The following STK3 variants were observed in gnomAD, a reference collection of about 807,000 sequenced individuals.
STK3 encodes serine/threonine-protein kinase 3.
In STK3, 41 loss-of-function variants were observed where a neutral mutation model predicts 58.0. The ratio of observed to expected loss-of-function variants is 0.71; its 90% CI spans 0.55 to 0.92. STK3 has a LOEUF of 0.92. Among genes scored for constraint, STK3 ranks in the 40% least tolerant of loss-of-function variants. STK3 has a pLI of 0.00. For missense variants in STK3, 479 were observed against 602.7 expected, an observed-to-expected ratio of 0.79 and a Z score of 2.15; for synonymous variants, 170 against 191.0, an observed-to-expected ratio of 0.89 and a Z score of 0.91.
chr8:98,797,864 A>G (rs146073816), intron 1 of STK3, among the ~76,000 whole-genome samples: 1 of 152,332 alleles, frequency 6.6e-6, no homozygotes, highest in Non-Finnish European at 1.5e-5. Flanking sequence ...TAAGGGAGTT[A>G]AAGATATTAG....
At chr8:98,413,796 G>A (rs1002923431) in intron 3 of STK3, 5 of 625,714 alleles carry the variant, frequency 8.0e-6, no homozygotes, top group Admixed American at 2.1e-5. Context: ...TTCTCCGAGG[G>A]TGGGGGCCTC....
At chr8:98,562,017 A>G (rs1469374014) in intron 8 of STK3, among the ~76,000 whole-genome samples, 1 of 152,212 alleles carries the variant, frequency 6.6e-6, no homozygotes, top group Non-Finnish European at 1.5e-5. Flanking sequence ...AACCCTGACC[A>G]TACAAACTAC....
intron 8 of STK3, among the ~76,000 whole-genome samples, chr8:98,565,096 T>C (rs1024250362): frequency 3.3e-5 from 5 of 152,140 alleles, no homozygotes; most frequent in Non-Finnish European, 5.9e-5. Context: ...TTTGAGCAAA[T>C]ATTTATTATC....
chr8:98,520,053 T>C (rs1430813312), intron 10 of STK3, among the ~76,000 whole-genome samples: 1 of 152,184 alleles, frequency 6.6e-6, no homozygotes, highest in Non-Finnish European at 1.5e-5. Flanking sequence ...CTGTAATTTC[T>C]GCAAAACATT....
intron 6 of STK3, among the ~76,000 whole-genome samples, chr8:98,605,169 C>A (rs1015932554): frequency 6.6e-6 from 1 of 152,204 alleles, no homozygotes; most frequent in Non-Finnish European, 1.5e-5. Context: ...CTCTTCCAGC[C>A]TCTGCCTGTT....
At chr8:98,709,346 G>A (rs983510955) in intron 4 of STK3, among the ~76,000 whole-genome samples, 16 of 151,980 alleles carry the variant, frequency 1.1e-4, no homozygotes, top group Non-Finnish European at 2.1e-4. Flanking sequence ...ATGGCTATCT[G>A]GGAACATACA....
At chr8:98,403,850 C>T (rs1817968000) in intron 3 of STK3, among the ~76,000 whole-genome samples, 1 of 152,228 alleles carries the variant, frequency 6.6e-6, no homozygotes, top group African/African-American at 2.4e-5. Context: ...TATGGTGGGG[C>T]ACCCTCAGCC....
intron 4 of STK3, among the ~76,000 whole-genome samples, chr8:98,725,305 T>C (rs1827721604): frequency 6.6e-6 from 1 of 152,128 alleles, no homozygotes; most frequent in African/African-American, 2.4e-5. Flanking sequence ...CCACAAGAAA[T>C]TAACTGACAC....
intron 4 of STK3, among the ~76,000 whole-genome samples, chr8:98,745,012 C>G (rs907201472): frequency 6.6e-6 from 1 of 152,076 alleles, no homozygotes; most frequent in Non-Finnish European, 1.5e-5. Flanking sequence ...AAGAGTGACA[C>G]CATTTCAAAG....
chr8:98,923,394 G>A (rs1450962637), intron 1 of STK3, among the ~76,000 whole-genome samples: 1 of 152,134 alleles, frequency 6.6e-6, no homozygotes, highest in Non-Finnish European at 1.5e-5. Context: ...TTTTAGAGTA[G>A]GCCTTGATTG....
intron 3 of STK3, among the ~76,000 whole-genome samples, chr8:98,758,283 C>T (rs1587535126): frequency 6.6e-6 from 1 of 152,148 alleles, no homozygotes; most frequent in East Asian, 1.9e-4. Context: ...AGAGAGACTC[C>T]TCCCTAACTC....
rs182743317 is a variant in STK3 at position 98,640,348 on chromosome 8, C to T, written c.685-44179G>A. On this transcript the variant is annotated intron_variant, in intron 6 of 10. Transcript: ENST00000419617. Reference sequence around the variant, plus strand: ...TACAGGCTTGAGCAACTGTGCCTGACCTCCATATTCATTTTATTCAAAAGA... The same window carrying T: ...TACAGGCTTGAGCAACTGTGCCTGATCTCCATATTCATTTTATTCAAAAGA... 3.0e-4 allele frequency among the ~76,000 whole-genome samples: 45 copies of T among 152,188 alleles called. No individual in the cohort carries two copies. In the East Asian group the frequency reaches 8.7e-3, roughly 29 times the overall value.
chr8:98,577,665 C>G (rs188289167), intron 8 of STK3, among the ~76,000 whole-genome samples: 53 of 152,204 alleles, frequency 3.5e-4, no homozygotes, highest in Non-Finnish European at 5.4e-4. Context: ...CCTTGTCAAG[C>G]CTTCAGATGA....
chr8:98,895,232 C>T (rs1476756455), intron 1 of STK3, among the ~76,000 whole-genome samples: 2 of 152,126 alleles, frequency 1.3e-5, no homozygotes, highest in Non-Finnish European at 2.9e-5. Context: ...CCTGGGGACT[C>T]TTGTTAAAAC....
At chr8:98,356,907 G>A in the STK3 span, among the ~76,000 whole-genome samples, 5 of 152,292 alleles carry the variant, frequency 3.3e-5, no homozygotes, top group South Asian at 2.1e-4. Context: ...AACCCTGAGC[G>A]TGGTCGGTCT....
downstream of STK3, among the ~76,000 whole-genome samples, chr8:98,399,368 T>C (rs2131023561): frequency 6.6e-6 from 1 of 152,354 alleles, no homozygotes; most frequent in South Asian, 2.1e-4. Flanking sequence ...GCTGGGGTCT[T>C]GAGGGGGCTG....
chr8:98,612,515 G>A (rs1261693955), intron 6 of STK3, among the ~76,000 whole-genome samples: 2 of 150,270 alleles, frequency 1.3e-5, no homozygotes, highest in African/African-American at 4.9e-5. Context: ...TGGAGAGAAG[G>A]CAGAACAGCT....
rs183040266 is a variant in STK3 at position 98,727,734 on chromosome 8, T to C, written c.352-20423A>G. Among the ~76,000 whole-genome samples the C allele has an allele frequency of 1.2e-4, 18 of 152,320 alleles. No homozygotes were observed. In the East Asian group the frequency reaches 3.3e-3, roughly 28 times the overall value. ...ATAAACATATTTTTTAAAAGGAACATGCACAGTCATTTTTTTAAAGTCTCC... is the reference window on the plus strand; with the variant it reads ...ATAAACATATTTTTTAAAAGGAACACGCACAGTCATTTTTTTAAAGTCTCC... On this transcript the variant is annotated intron_variant, in intron 4 of 10. Transcript: ENST00000419617.
chr8:98,847,324 G>T (rs1180795797), intron 3 of STK3, among the ~76,000 whole-genome samples: 1 of 152,176 alleles, frequency 6.6e-6, no homozygotes, highest in Non-Finnish European at 1.5e-5. Context: ...GCATATACCT[G>T]TGCTGCTAAA....
Sources: allele counts gnomAD v4.1 joint callset (sites outside exome capture counted in the v4.1 genomes callset), GRCh38; gene constraint gnomAD v4.1.1; transcripts MANE v1.5; gene names NCBI Gene and HGNC (gene_info 2026-07-23, HGNC 2026-07-21).